The following DIAPH1 variants were observed in gnomAD, a reference collection of about 807,000 sequenced individuals.
DIAPH1 encodes diaphanous related formin 1.
A neutral mutation model predicts 140.7 loss-of-function variants in DIAPH1; 46 were observed. The ratio of observed to expected loss-of-function variants is 0.33; its 90% CI spans 0.26 to 0.42. The LOEUF is 0.42. Among genes scored for constraint, DIAPH1 ranks in the 10% least tolerant of loss-of-function variants. DIAPH1 has a pLI of 1.00. For synonymous variants in DIAPH1, 565 were observed against 551.6 expected, an observed-to-expected ratio of 1.02 and a Z score of -0.34; for missense variants, 1,310 against 1,558.7, an observed-to-expected ratio of 0.84 and a Z score of 2.69.
chr5:141,540,099 C>T (rs1016826837), intron 18 of DIAPH1, among the ~76,000 whole-genome samples: 8 of 151,872 alleles, frequency 5.3e-5, no homozygotes, highest in Non-Finnish European at 1.2e-4. Flanking sequence ...TTCTGTATAT[C>T]TCATAAGGCA....
At chr5:141,520,419 T>C (rs2099886337) in intron 27 of DIAPH1, among the ~76,000 whole-genome samples, 1 of 152,174 alleles carries the variant, frequency 6.6e-6, no homozygotes, top group Non-Finnish European at 1.5e-5. Flanking sequence ...GGATCCCTTA[T>C]GAGTGGCTTG....
Position 141,530,998 on chromosome 5 carries a change from A to T in DIAPH1, c.2582-1301T>A, listed in dbSNP as rs115828303. Among the ~76,000 whole-genome samples the T allele has an allele frequency of 4.9e-3, 749 of 152,220 alleles. 4 individuals carry two copies. The highest frequency in any genetic ancestry group is 0.017 in the African/African-American group (691 of 41,524). On this transcript the variant is annotated intron_variant, in intron 19 of 27. Coordinates refer to ENST00000389054, the MANE Select transcript of DIAPH1 (RefSeq NM_005219.5). ...AATCTTACTCAATGTTCCTCTCTAA[A>T]TTACCAGTTTCTCTTTCTTTCACTT...
chr5:141,580,888 TAGG>T lies in DIAPH1; in HGVS notation c.685-8_685-6del, dbSNP rs773403319. 7.4e-5 allele frequency: 119 copies of T among 1,613,954 alleles called. 1 individual carries two copies. Among genetic ancestry groups the T allele is most frequent in the Admixed American group, 1.7e-5 (1 of 59,986 alleles). On this transcript the variant is annotated splice_polypyrimidine_tract_variant and splice_region_variant and intron_variant, in intron 7 of 27. Coordinates refer to ENST00000389054, the MANE Select transcript of DIAPH1 (RefSeq NM_005219.5). Reference sequence around the variant, plus strand: ...CAACATGGTCTTGATTCCAAACTGGTAGGACCAAGAACAAAGAAAGGAGGCTGA... The same window carrying T: ...CAACATGGTCTTGATTCCAAACTGGTACCAAGAACAAAGAAAGGAGGCTGA...
At chr5:141,606,717 AAG>A (rs2099901036) in intron 1 of DIAPH1, among the ~76,000 whole-genome samples, 1 of 149,904 alleles carries the variant, frequency 6.7e-6, no homozygotes, top group African/African-American at 2.5e-5. Flanking sequence ...AAAATAACAT[AAG>A]AGTTTTTTTT....
At chr5:141,608,351 C>CT (rs1022068678) in intron 1 of DIAPH1, among the ~76,000 whole-genome samples, 4 of 152,190 alleles carry the variant, frequency 2.6e-5, no homozygotes, top group African/African-American at 9.7e-5. Context: ...TCTTAGCATC[C>CT]TTTTGACTCC....
intron 18 of DIAPH1, among the ~76,000 whole-genome samples, chr5:141,536,301 C>CAA (rs944435351): frequency 4.7e-4 from 71 of 152,042 alleles, no homozygotes; most frequent in African/African-American, 1.7e-3. Flanking sequence ...GAACCTGTCT[C>CAA]AAAAAAATTC....
At chr5:141,542,002 T>C (rs1227777320) in intron 18 of DIAPH1, among the ~76,000 whole-genome samples, 1 of 152,180 alleles carries the variant, frequency 6.6e-6, no homozygotes, top group African/African-American at 2.4e-5. Context: ...TTTCATCCTA[T>C]TAAACGGAAT....
intron 1 of DIAPH1, among the ~76,000 whole-genome samples, chr5:141,602,504 C>A (rs2099900305): frequency 6.6e-6 from 1 of 152,224 alleles, no homozygotes; most frequent in Admixed American, 6.5e-5. Context: ...CGTGAGCCAC[C>A]ACGCCTGGCC....
chr5:141,602,156 G>A (rs920078078), intron 1 of DIAPH1, among the ~76,000 whole-genome samples: 3 of 152,202 alleles, frequency 2.0e-5, no homozygotes, highest in Non-Finnish European at 2.9e-5. Flanking sequence ...TGAGGCAACA[G>A]AGGGTCATAA....
intron 18 of DIAPH1, among the ~76,000 whole-genome samples, chr5:141,539,953 C>T (rs756354557): frequency 6.7e-6 from 1 of 149,138 alleles, no homozygotes; most frequent in Non-Finnish European, 1.5e-5. Flanking sequence ...TTATTTCTTT[C>T]CTTCTGCTTG....
At chr5:141,618,436 G>C (rs986926276) in intron 1 of DIAPH1, 2 of 200,062 alleles carry the variant, frequency 1.0e-5, no homozygotes, top group African/African-American at 4.7e-5. Context: ...GGACCCAGAA[G>C]AGGGGACCAA....
chr5:141,586,479 C>CA (rs2099897569), intron 3 of DIAPH1, among the ~76,000 whole-genome samples: 2 of 152,262 alleles, frequency 1.3e-5, no homozygotes, highest in African/African-American at 4.8e-5. Context: ...AATGGACACT[C>CA]ACTGAATATC....
intron 18 of DIAPH1, among the ~76,000 whole-genome samples, chr5:141,557,512 T>C (rs2099892803): frequency 6.6e-6 from 1 of 152,210 alleles, no homozygotes; most frequent in Non-Finnish European, 1.5e-5. Flanking sequence ...CCTAGAGTCC[T>C]TGGGGCATTT....
At chr5:141,607,114 G>A (rs2099901100) in intron 1 of DIAPH1, among the ~76,000 whole-genome samples, 2 of 152,096 alleles carry the variant, frequency 1.3e-5, no homozygotes, top group Non-Finnish European at 2.9e-5. Context: ...CAATCTAGAT[G>A]GGAGATAAGA....
chr5:141,576,938 C>T, intron 12 of DIAPH1, 67 bp from the exon 13 acceptor site: 2 of 1,026,258 alleles, frequency 1.9e-6, no homozygotes, highest in Admixed American at 3.6e-5. Context: ...GTATTCAGGA[C>T]CAAGAAAACG....
chr5:141,602,703 T>C (rs1202983897), intron 1 of DIAPH1, among the ~76,000 whole-genome samples: 1 of 152,182 alleles, frequency 6.6e-6, no homozygotes, highest in Non-Finnish European at 1.5e-5. Context: ...AGTTAAATAA[T>C]ATATGATGGA....
intron 24 of DIAPH1, 114 bp downstream of exon 24, chr5:141,527,459 A>T: frequency 8.7e-7 from 1 of 1,151,820 alleles, no homozygotes; most frequent in Non-Finnish European, 1.2e-6. Context: ...AAAGAAAAAG[A>T]GTTTTTTAAG....
chr5:141,538,059 T>G (rs1295275930), intron 18 of DIAPH1, among the ~76,000 whole-genome samples: 4 of 132,220 alleles, frequency 3.0e-5, no homozygotes, highest in Non-Finnish European at 6.8e-5. Context: ...GCCTGGCTGT[T>G]TTTTTGTTTT....
rs936923851 is a variant in DIAPH1, at chr5:141,600,543, T to A, written c.118-12293A>T. 6.6e-5 allele frequency among the ~76,000 whole-genome samples: 10 copies of A among 152,346 alleles called. 1 individual carries two copies. Among genetic ancestry groups the A allele is most frequent in the African/African-American group, 2.4e-4 (10 of 41,584 alleles). Reference sequence around the variant, plus strand: ...GAACTTCGCTAAAGGAAAAGGCTCATGAGTCCTGATTTTTATTTCTGGCTT... The same window carrying A: ...GAACTTCGCTAAAGGAAAAGGCTCAAGAGTCCTGATTTTTATTTCTGGCTT... On this transcript the variant is annotated intron_variant, in intron 1 of 27. Transcript: ENST00000389054.
Sources: gnomAD v4.1 joint callset for allele counts (sites outside exome capture counted in the v4.1 genomes callset) on GRCh38, gnomAD v4.1.1 for gene constraint, MANE v1.5 for transcripts, NCBI Gene and HGNC (gene_info 2026-07-23, HGNC 2026-07-21) for gene names.